The following RIMS1 variants were observed in gnomAD, a reference collection of about 807,000 sequenced individuals.
The protein encoded by RIMS1 is regulating synaptic membrane exocytosis protein 1.
Under a neutral mutation model 214.1 loss-of-function variants are expected in RIMS1, and 83 were observed. The observed-to-expected ratio is 0.39, with a 90% CI of 0.32 to 0.47. The LOEUF (loss-of-function observed/expected upper bound fraction) is 0.47. RIMS1 is among the 20% of genes least tolerant of loss of function. The pLI, the probability that RIMS1 is intolerant of heterozygous loss-of-function variation, is 0.99. For synonymous variants in RIMS1, 793 were observed against 786.8 expected, an observed-to-expected ratio of 1.01 and a Z score of -0.13; for missense variants, 2,050 against 2,161.8, an observed-to-expected ratio of 0.95 and a Z score of 1.03.
At chr6:72,202,320 T>G (rs1328730258) in intron 6 of RIMS1, among the ~76,000 whole-genome samples, 1 of 152,204 alleles carries the variant, frequency 6.6e-6, no homozygotes, top group Non-Finnish European at 1.5e-5. Flanking sequence ...CAGGGTTGGT[T>G]CCTTTGGAGG....
chr6:71,905,224 A>G (rs1160761095), intron 1 of RIMS1, among the ~76,000 whole-genome samples: 6 of 151,998 alleles, frequency 3.9e-5, no homozygotes, highest in Non-Finnish European at 8.8e-5. Context: ...TAGAAGATCT[A>G]TTCCATAATT....
At chr6:72,115,274 T>G (rs1451067226) in intron 4 of RIMS1, among the ~76,000 whole-genome samples, 1 of 151,914 alleles carries the variant, frequency 6.6e-6, no homozygotes, top group Non-Finnish European at 1.5e-5. Context: ...TAGAAACTGA[T>G]TTCATCCATT....
At chr6:72,136,026 G>A (rs956826716) in intron 4 of RIMS1, among the ~76,000 whole-genome samples, 1 of 152,162 alleles carries the variant, frequency 6.6e-6, no homozygotes, top group Admixed American at 6.5e-5. Context: ...GAGGAAAGGG[G>A]CAATGAGAGG....
intron 2 of RIMS1, among the ~76,000 whole-genome samples, chr6:72,081,704 C>T (rs964128530): frequency 6.6e-6 from 1 of 152,048 alleles, no homozygotes; most frequent in African/African-American, 2.4e-5. Flanking sequence ...ATATAGAATA[C>T]ATCTGCATTT....
chr6:72,122,124 GT>G (rs1189399902), intron 4 of RIMS1, among the ~76,000 whole-genome samples: 2 of 150,802 alleles, frequency 1.3e-5, no homozygotes, highest in Admixed American at 6.6e-5. Context: ...TCTTTTTTTT[GT>G]TGTGTCTCTG....
intron 28 of RIMS1, among the ~76,000 whole-genome samples, chr6:72,331,385 A>G (rs1195874774): frequency 1.3e-5 from 2 of 151,828 alleles, no homozygotes; most frequent in African/African-American, 2.4e-5. Flanking sequence ...TTCAATAACC[A>G]TTGTGGAGAG....
At chr6:72,177,440 C>T (rs963051757) in intron 4 of RIMS1, among the ~76,000 whole-genome samples, 5 of 151,900 alleles carry the variant, frequency 3.3e-5, no homozygotes, top group East Asian at 3.9e-4. Context: ...TTAGTAGAGA[C>T]GGGATTTCAC....
At position 72,206,069 on chromosome 6, in the gene RIMS1, T is replaced by A. The variant is rs570676027; in HGVS notation, c.1678+22920T>A. 3.0e-4 allele frequency among the ~76,000 whole-genome samples: 45 copies of A among 152,292 alleles called. 1 individual carries two copies. The South Asian group carries it at 5.0e-3, about 17-fold the overall frequency. On this transcript the variant is annotated intron_variant, in intron 6 of 33. Coordinates refer to ENST00000521978, the MANE Select transcript of RIMS1 (RefSeq NM_014989.7). Reference sequence around the variant, plus strand: ...TTCTGTTGTCTCTTTCTGTGTGTGTTTTTAAACCCCTACCATAGTTATATT... The same window carrying A: ...TTCTGTTGTCTCTTTCTGTGTGTGTATTTAAACCCCTACCATAGTTATATT...
intron 6 of RIMS1, among the ~76,000 whole-genome samples, chr6:72,214,288 G>C (rs548316409): frequency 7.9e-5 from 12 of 152,050 alleles, no homozygotes; most frequent in Non-Finnish European, 1.8e-4. Flanking sequence ...ACAGGGTTTG[G>C]TAACAAATTG....
intron 5 of RIMS1, 129 bp from the exon 6 acceptor site, chr6:72,182,155 C>T: frequency 2.0e-6 from 2 of 1,011,948 alleles, no homozygotes; most frequent in Non-Finnish European, 2.8e-6. Context: ...ACAGTTCCAC[C>T]TTCAGATCCA....
chr6:72,156,092 A>G (rs1384341217), intron 4 of RIMS1: 3 of 348,466 alleles, frequency 8.6e-6, no homozygotes, highest in Middle Eastern at 3.8e-4. Context: ...TAGAAGTACT[A>G]TATGATCCAG....
chr6:72,042,018 AT>A (rs1359998832), intron 2 of RIMS1, among the ~76,000 whole-genome samples: 1 of 151,922 alleles, frequency 6.6e-6, no homozygotes, highest in Non-Finnish European at 1.5e-5. Flanking sequence ...TTTTATTTAC[AT>A]TTGTATCTGA....
chr6:72,389,876 G>T (rs956887133), intron 29 of RIMS1, among the ~76,000 whole-genome samples: 2 of 152,144 alleles, frequency 1.3e-5, no homozygotes, highest in African/African-American at 4.8e-5. Context: ...AGCTTATCAA[G>T]AACTGAAATG....
At chr6:71,925,431 CT>C (rs1041362276) in intron 1 of RIMS1, among the ~76,000 whole-genome samples, 3 of 152,072 alleles carry the variant, frequency 2.0e-5, no homozygotes, top group African/African-American at 4.8e-5. Flanking sequence ...TGTTATTTTC[CT>C]TTTTTGTTTG....
At chr6:72,340,295 C>A (rs1411838987) in intron 29 of RIMS1, among the ~76,000 whole-genome samples, 2 of 151,244 alleles carry the variant, frequency 1.3e-5, no homozygotes, top group East Asian at 3.9e-4. Flanking sequence ...TTAATTAGAT[C>A]CCATTTGTCA....
chr6:72,374,115 G>T (rs556168461), intron 29 of RIMS1, among the ~76,000 whole-genome samples: 1 of 151,934 alleles, frequency 6.6e-6, no homozygotes, highest in African/African-American at 2.4e-5. Context: ...GGGTTTCAGC[G>T]TGTTGGCCAG....
intron 16 of RIMS1, among the ~76,000 whole-genome samples, chr6:72,255,132 T>C (rs1368923335): frequency 1.3e-5 from 2 of 152,168 alleles, no homozygotes; most frequent in African/African-American, 2.4e-5. Context: ...ACTAGTCACA[T>C]AGTAACATGC....
At chr6:72,386,586 C>T (rs189673217) in intron 29 of RIMS1, among the ~76,000 whole-genome samples, 9 of 152,276 alleles carry the variant, frequency 5.9e-5, no homozygotes, top group Non-Finnish European at 1.0e-4. Context: ...TAGCTTGTGT[C>T]GTCACTTCCC....
chr6:72,178,006 C>G (rs2047941566), intron 4 of RIMS1, among the ~76,000 whole-genome samples: 1 of 152,158 alleles, frequency 6.6e-6, no homozygotes. Context: ...ATGAATTGTT[C>G]ATCTTGTTTG....
Sources: gnomAD v4.1 joint callset for allele counts (sites outside exome capture counted in the v4.1 genomes callset) on GRCh38, gnomAD v4.1.1 for gene constraint, MANE v1.5 for transcripts, NCBI Gene and HGNC (gene_info 2026-07-23, HGNC 2026-07-21) for gene names.